The following RBFOX1 variants were observed in gnomAD, a reference collection of about 807,000 sequenced individuals.
The protein encoded by RBFOX1 is RNA binding fox-1 homolog 1.
In RBFOX1, 8 loss-of-function variants were observed where a neutral mutation model predicts 57.7. The observed-to-expected ratio is 0.14, with a 90% CI of 0.08 to 0.25. The LOEUF (loss-of-function observed/expected upper bound fraction) is 0.25, where lower values mean the gene tolerates loss of function less well. Ranked by LOEUF, RBFOX1 falls within the 10% of genes least tolerant of loss-of-function variation. The pLI, the probability that RBFOX1 is intolerant of heterozygous loss-of-function variation, is 1.00. For synonymous variants in RBFOX1, 326 were observed against 222.4 expected (o/e 1.47, Z -4.15); for missense variants, 611 against 548.5 (o/e 1.11, Z -1.14).
intron 1 of RBFOX1, among the ~76,000 whole-genome samples, chr16:6,246,084 C>T (rs1418059890): frequency 6.6e-6 from 1 of 152,124 alleles, no homozygotes; most frequent in East Asian, 1.9e-4. Context: ...ACCCAGTTTA[C>T]AGTAGTTTTA....
chr16:6,914,208 A>C (rs13380541), intron 3 of RBFOX1, among the ~76,000 whole-genome samples: 1 of 152,134 alleles, frequency 6.6e-6, no homozygotes, highest in Admixed American at 6.6e-5. Context: ...TACCTCACTG[A>C]GTTTAGCATA....
rs185911633 is a variant in RBFOX1, at chr16:6,666,952, A to G, written c.-16+12302A>G. Among the ~76,000 whole-genome samples the G allele has an allele frequency of 1.2e-4, 19 of 152,264 alleles. No homozygotes were observed. The East Asian group carries it at 3.7e-3, about 29-fold the overall frequency. ...TGCCTCACTTGCCAGCACAGCTGACAGTTATTTTTGTAGGCAAGGGCTTCT... is the reference window on the plus strand; with the variant it reads ...TGCCTCACTTGCCAGCACAGCTGACGGTTATTTTTGTAGGCAAGGGCTTCT... On this transcript the variant is annotated intron_variant, in intron 3 of 15. Coordinates refer to ENST00000550418, the MANE Select transcript of RBFOX1 (RefSeq NM_018723.4).
At position 7,159,369 on chromosome 16, in the gene RBFOX1, C is replaced by T. The variant is rs115605200; in HGVS notation, c.27+107271C>T. Among the ~76,000 whole-genome samples, 460 of 152,178 alleles carry T rather than the reference C, an allele frequency of 3.0e-3. 1 individual carries two copies. The highest frequency in any genetic ancestry group is 0.011 in the African/African-American group (438 of 41,524). On this transcript the variant is annotated intron_variant, in intron 4 of 15. Coordinates refer to ENST00000550418, the MANE Select transcript of RBFOX1 (RefSeq NM_018723.4). ...GCAAGCCCCTGGTGAACCTGCTTGGCTTACATGTATGTGCTGATATTTGAA... is the reference window on the plus strand; with the variant it reads ...GCAAGCCCCTGGTGAACCTGCTTGGTTTACATGTATGTGCTGATATTTGAA...
chr16:7,080,229 A>G (rs1417833439), intron 4 of RBFOX1, among the ~76,000 whole-genome samples: 1 of 151,936 alleles, frequency 6.6e-6, no homozygotes, highest in Non-Finnish European at 1.5e-5. Context: ...GGTTGAACTG[A>G]CCTCTGATTT....
intron 4 of RBFOX1, among the ~76,000 whole-genome samples, chr16:7,445,153 G>A (rs1338910528): frequency 1.3e-5 from 2 of 152,060 alleles, no homozygotes; most frequent in Non-Finnish European, 2.9e-5. Flanking sequence ...CCTTTTAAAG[G>A]GCTCAGCATG....
intron 10 of RBFOX1, among the ~76,000 whole-genome samples, chr16:7,630,313 G>A (rs989263751): frequency 6.6e-6 from 1 of 151,956 alleles, no homozygotes; most frequent in African/African-American, 2.4e-5. Context: ...AGTATGCCAC[G>A]CTGCTTCCAT....
intron 4 of RBFOX1, among the ~76,000 whole-genome samples, chr16:7,404,602 G>C (rs1445940752): frequency 6.6e-6 from 1 of 152,174 alleles, no homozygotes; most frequent in African/African-American, 2.4e-5. Context: ...TGAGTGACCA[G>C]TACCTACACC....
chr16:5,302,855 A>G (rs957516622), intron 1 of RBFOX1, among the ~76,000 whole-genome samples: 4 of 152,194 alleles, frequency 2.6e-5, no homozygotes, highest in Non-Finnish European at 5.9e-5. Flanking sequence ...AACAGCATAT[A>G]GTTAATCTTG....
intron 3 of RBFOX1, among the ~76,000 whole-genome samples, chr16:6,945,601 C>T (rs777940927): frequency 1.3e-5 from 2 of 152,114 alleles, no homozygotes; most frequent in Middle Eastern, 3.4e-3. Context: ...TCAGAATCCG[C>T]TGGTGCTGGC....
intron 1 of RBFOX1, among the ~76,000 whole-genome samples, chr16:6,106,985 TA>T (rs1441012138): frequency 6.6e-6 from 1 of 152,144 alleles, no homozygotes; most frequent in Non-Finnish European, 1.5e-5. Context: ...CTCCTTCTTT[TA>T]AAAAATTCCT....
intron 3 of RBFOX1, among the ~76,000 whole-genome samples, chr16:6,852,852 G>T (rs2094142857): frequency 6.7e-6 from 1 of 150,324 alleles, no homozygotes; most frequent in Non-Finnish European, 1.5e-5. Flanking sequence ...TGCATGCTGG[G>T]AACTGCTGTC....
intron 4 of RBFOX1, among the ~76,000 whole-genome samples, chr16:7,209,573 A>C (rs543902647): frequency 1.3e-5 from 2 of 152,306 alleles, no homozygotes; most frequent in Non-Finnish European, 2.9e-5. Context: ...CAAAGAGGCC[A>C]ACCCTCACCT....
At chr16:6,590,521 A>T (rs1012029797) in intron 2 of RBFOX1, among the ~76,000 whole-genome samples, 2 of 152,102 alleles carry the variant, frequency 1.3e-5, no homozygotes, top group Non-Finnish European at 2.9e-5. Flanking sequence ...TTCGGGAGTA[A>T]ATTCAATGAG....
At chr16:5,634,135 T>G (rs1429990135) in intron 3 of RBFOX1, among the ~76,000 whole-genome samples, 1 of 152,232 alleles carries the variant, frequency 6.6e-6, no homozygotes, top group Non-Finnish European at 1.5e-5. Flanking sequence ...CTGGCCTCAC[T>G]TCTTTGCACA....
chr16:5,761,789 A>G (rs1362200194), intron 3 of RBFOX1, among the ~76,000 whole-genome samples: 1 of 152,192 alleles, frequency 6.6e-6, no homozygotes, highest in Non-Finnish European at 1.5e-5. Context: ...ATAAGCTGAG[A>G]TGGCACATTC....
chr16:6,402,068 A>T (rs192499895), intron 2 of RBFOX1, among the ~76,000 whole-genome samples: 1 of 151,408 alleles, frequency 6.6e-6, no homozygotes, highest in Non-Finnish European at 1.5e-5. Flanking sequence ...GGTCAGAAGG[A>T]TGAGATGACT....
chr16:6,828,679 T>G (rs1222301853), intron 3 of RBFOX1, among the ~76,000 whole-genome samples: 1 of 151,994 alleles, frequency 6.6e-6, no homozygotes, highest in Non-Finnish European at 1.5e-5. Context: ...CATGATGTGT[T>G]TGTTAACATC....
intron 3 of RBFOX1, among the ~76,000 whole-genome samples, chr16:5,677,596 A>G (rs1321257842): frequency 6.6e-6 from 1 of 152,226 alleles, no homozygotes; most frequent in Non-Finnish European, 1.5e-5. Flanking sequence ...GAGACACTAG[A>G]TTAACTTCTA....
chr16:6,622,472 T>C (rs1311422330), intron 2 of RBFOX1, among the ~76,000 whole-genome samples: 2 of 152,154 alleles, frequency 1.3e-5, no homozygotes, highest in East Asian at 1.9e-4. Context: ...CTAGACCATA[T>C]AGAGTGTGTG....
Sources: allele counts gnomAD v4.1 joint callset (sites outside exome capture counted in the v4.1 genomes callset), GRCh38; gene constraint gnomAD v4.1.1; transcripts MANE v1.5; gene names NCBI Gene and HGNC (gene_info 2026-07-23, HGNC 2026-07-21).